Variants in DPYSL5 observed in about 807,000 individuals in gnomAD.
The protein encoded by DPYSL5 is dihydropyrimidinase-related protein 5.
A neutral mutation model predicts 58.4 loss-of-function variants in DPYSL5; 9 were observed. The ratio of observed to expected loss-of-function variants is 0.15; its 90% confidence interval spans 0.09 to 0.27. DPYSL5 has a LOEUF of 0.27. Among genes scored for constraint, DPYSL5 ranks in the 10% least tolerant of loss-of-function variants. DPYSL5 has a pLI of 1.00. For synonymous variants in DPYSL5, 293 were observed against 301.9 expected, an observed-to-expected ratio of 0.97 and a Z score of 0.31; for missense variants, 499 against 770.6, an observed-to-expected ratio of 0.65 and a Z score of 4.17.
chr2:26,931,203 G>GTATATATATATATATATATATATA lies in DPYSL5; in HGVS notation c.670-433_670-410dup, dbSNP rs373034710. Among the ~76,000 whole-genome samples, 122 of 44,874 alleles carry GTATATATATATATATATATATATA rather than the reference G, an allele frequency of 2.7e-3. 5 individuals are homozygous for GTATATATATATATATATATATATA. The highest frequency in any genetic ancestry group is 4.4e-3 in the Non-Finnish European group (102 of 23,422). The allele number at this position is 44,874 out of a possible 152,430, so 29.4% of individuals were successfully genotyped here. A position where few individuals can be genotyped will look rare whatever the true frequency, so the allele number is the denominator to read the frequency against. ...TGTGTGTGTGTGTGTGTGTGTGTGT[G>GTATATATATATATATATATATATA]TATATATATATATATATATATATAT... On this transcript the variant is annotated intron_variant, in intron 5 of 12. Transcript: ENST00000288699.
intron 2 of DPYSL5, among the ~76,000 whole-genome samples, chr2:26,910,710 C>T (rs755577756): frequency 1.3e-5 from 2 of 150,834 alleles, no homozygotes; most frequent in Non-Finnish European, 2.9e-5. Flanking sequence ...CCGCCCCAGC[C>T]TCCCAAAGTG....
rs546021661 is a variant in DPYSL5, at chr2:26,878,241, A to G, written c.-4-20255A>G. ...TGTTTTCATTTGCATTTATTTAATT[A>G]TTAATAAAGGTGAACATCTTTTCAT... is the stretch of plus-strand genomic sequence containing the variant. On this transcript the variant is annotated intron_variant, in intron 1 of 12. Transcript: ENST00000288699. Among the ~76,000 whole-genome samples the G allele has an allele frequency of 2.0e-5, 3 of 152,322 alleles. No individual in the cohort carries two copies. In the South Asian group the frequency reaches 6.2e-4, roughly 32 times the overall value.
At chr2:26,945,515 C>T (rs1345051804) in intron 12 of DPYSL5, among the ~76,000 whole-genome samples, 2 of 151,188 alleles carry the variant, frequency 1.3e-5, no homozygotes, top group African/African-American at 4.9e-5. Context: ...CCCCCGTCCC[C>T]CCCCGCACCC....
chr2:26,925,536 G>A lies in DPYSL5; in HGVS notation c.420+491G>A, dbSNP rs1431171955. ...AATGTGGTATGCTTTTTTCCTACTG[G>A]GGGCCCAGCTTCTGCTCTGAGAAGC... On this transcript the variant is annotated intron_variant, in intron 3 of 12. Transcript: ENST00000288699. The surrounding 1 kb of genome is among the most constrained non-coding windows in gnomAD (Gnocchi z 4.5). Among the ~76,000 whole-genome samples, 1 of 152,138 alleles carries A rather than the reference G, an allele frequency of 6.6e-6. No individual in the cohort carries two copies. Among genetic ancestry groups the A allele is most frequent in the Non-Finnish European group, 1.5e-5 (1 of 68,006 alleles).
intron 1 of DPYSL5, among the ~76,000 whole-genome samples, chr2:26,867,742 A>G (rs1054697786): frequency 2.0e-5 from 3 of 152,130 alleles, no homozygotes; most frequent in Non-Finnish European, 4.4e-5. Context: ...GGCGTGAGCC[A>G]CCGCGCCCGG....
chr2:26,855,557 C>T (rs949558185), intron 1 of DPYSL5, among the ~76,000 whole-genome samples: 3 of 152,162 alleles, frequency 2.0e-5, no homozygotes, highest in African/African-American at 7.2e-5. Flanking sequence ...CATCTGTCCA[C>T]TTTCATTGGT....
intron 5 of DPYSL5, among the ~76,000 whole-genome samples, chr2:26,931,167 A>ATGTGTG (rs1320040908): frequency 3.9e-3 from 212 of 54,226 alleles, no homozygotes; most frequent in Non-Finnish European, 4.9e-3. Flanking sequence ...ATATATATAT[A>ATGTGTG]TATGTGTGTG....
At position 26,926,463 on chromosome 2, in the gene DPYSL5, A is replaced by C. The variant is rs116124270; in HGVS notation, c.421-790A>C. On this transcript the variant is annotated intron_variant, in intron 3 of 12. Coordinates refer to ENST00000288699, the MANE Select transcript of DPYSL5 (RefSeq NM_020134.4). The stretch of plus-strand genomic sequence containing the variant: ...CTGGAGCTTATGGTGACTTTCATGC[A>C]TCAGGAATTTAAAATTCTGTTTTAT... Among the ~76,000 whole-genome samples, 814 of 152,348 alleles carry C rather than the reference A, an allele frequency of 5.3e-3. 7 individuals carry two copies. The highest frequency in any genetic ancestry group is 0.019 in the African/African-American group (773 of 41,574).
rs555900323 is a variant in DPYSL5 at position 26,946,817 on chromosome 2, G to A, written c.1610-93G>A. The stretch of plus-strand genomic sequence containing the variant: ...GGAGTGGCTGTGAGGATTCACTCAG[G>A]CCATGCACACAGTGAGCCTCCAGGA... On this transcript the variant is annotated intron_variant, in intron 12 of 12. Transcript: ENST00000288699. 282 of 911,964 alleles carry A rather than the reference G, an allele frequency of 3.1e-4. No individual in the cohort carries two copies. The African/African-American group carries it at 4.1e-3, about 13-fold the overall frequency. The allele number at this position is 911,964 out of a possible 1,614,324, so 56.5% of individuals were successfully genotyped here.
intron 2 of DPYSL5, among the ~76,000 whole-genome samples, chr2:26,915,415 G>T (rs563112872): frequency 2.6e-5 from 4 of 152,248 alleles, no homozygotes; most frequent in Admixed American, 2.0e-4. Context: ...CTAACAAACC[G>T]AGTAATGCAA....
At position 26,927,133 on chromosome 2, in the gene DPYSL5, G is replaced by A. The variant is rs961493869; in HGVS notation, c.421-120G>A. The A allele has an allele frequency of 3.5e-5, 37 of 1,053,470 alleles. No individual in the cohort carries two copies. The African/African-American group carries it at 3.7e-4, about 11-fold the overall frequency. 65.3% of individuals were successfully genotyped at this position (1,053,470 alleles called of 1,614,324 possible). A position where few individuals can be genotyped will look rare whatever the true frequency, so the allele number is the denominator to read the frequency against. On this transcript the variant is annotated intron_variant, in intron 3 of 12. Coordinates refer to ENST00000288699, the MANE Select transcript of DPYSL5 (RefSeq NM_020134.4). The surrounding 1 kb of genome is among the most constrained non-coding windows in gnomAD (Gnocchi z 4.3). ...AAAGTGAGATAGAGAGGTGTGGGGG[G>A]TCAACCGACAGACTGAGCTGGGGCA...
chr2:26,931,738 G>A, intron 6 of DPYSL5, 54 bp downstream of exon 6: 1 of 1,595,034 alleles, frequency 6.3e-7, no homozygotes, highest in Non-Finnish European at 8.6e-7. Flanking sequence ...GCCAGGCACG[G>A]TGCTGATGTC....
At position 26,934,390 on chromosome 2, in the gene DPYSL5, C is replaced by T. The variant is rs1279150406; in HGVS notation, c.791-188C>T. On this transcript the variant is annotated intron_variant, in intron 7 of 12. Coordinates refer to ENST00000288699, the MANE Select transcript of DPYSL5 (RefSeq NM_020134.4). This position sits in a 1 kb window ranked among gnomAD's most constrained non-coding sequence, Gnocchi z 4.3. Reference sequence around the variant, plus strand: ...GCCCATGTCCCTCTGTCCTCCTTGCCTAAGTCAGCAGAATAGGGAGGCTCT... The same window carrying T: ...GCCCATGTCCCTCTGTCCTCCTTGCTTAAGTCAGCAGAATAGGGAGGCTCT... 2.0e-5 allele frequency among the ~76,000 whole-genome samples: 3 copies of T among 152,178 alleles called. No homozygotes were observed. The highest frequency in any genetic ancestry group is 4.8e-5 in the African/African-American group (2 of 41,436).
chr2:26,901,235 C>T (rs1254495404), intron 2 of DPYSL5, among the ~76,000 whole-genome samples: 4 of 152,166 alleles, frequency 2.6e-5, no homozygotes, highest in African/African-American at 9.7e-5. Flanking sequence ...GCTGGTATCA[C>T]TTAAACTGAC....
chr2:26,867,580 C>T (rs1462461658), intron 1 of DPYSL5, among the ~76,000 whole-genome samples: 2 of 150,950 alleles, frequency 1.3e-5, no homozygotes, highest in Non-Finnish European at 3.0e-5. Flanking sequence ...CTCAGCCTCC[C>T]AAGTAGCTGG....
intron 1 of DPYSL5, among the ~76,000 whole-genome samples, chr2:26,864,219 T>C (rs1666087179): frequency 6.6e-6 from 1 of 152,214 alleles, no homozygotes; most frequent in Non-Finnish European, 1.5e-5. Context: ...CACTCCAGCC[T>C]GGGCAATGAA....
chr2:26,862,563 G>T (rs1450410125), intron 1 of DPYSL5, among the ~76,000 whole-genome samples: 19 of 152,080 alleles, frequency 1.2e-4, no homozygotes, highest in Admixed American at 1.2e-3. Context: ...GGCTCATTTT[G>T]CCCCAGGAAG....
chr2:26,932,133 GAAAGAGAAAGAA>G (rs1305411321), intron 6 of DPYSL5, among the ~76,000 whole-genome samples: 17 of 114,874 alleles, frequency 1.5e-4, no homozygotes, highest in African/African-American at 5.2e-4. Context: ...GAGAAAGAAA[GAAAGAGAAAGAA>G]AGAAAGAAAG....
At chr2:26,932,212 G>GAAAGAAAGAAAGAAAGAAAGAAAGA (rs1665049720) in intron 6 of DPYSL5, among the ~76,000 whole-genome samples, 4 of 58,468 alleles carry the variant, frequency 6.8e-5, no homozygotes, top group Non-Finnish European at 1.4e-4. Flanking sequence ...AGAAAGAAAA[G>GAAAGAAAGAAAGAAAGAAAGAAAGA]AAAGAAAGAA....
Sources: allele counts gnomAD v4.1 joint callset (sites outside exome capture counted in the v4.1 genomes callset), GRCh38; gene constraint gnomAD v4.1.1; non-coding constraint Gnocchi (gnomAD v3.1); transcripts MANE v1.5; gene names NCBI Gene and HGNC (gene_info 2026-07-23, HGNC 2026-07-21).